Variants in CCDC50 observed in about 807,000 individuals in gnomAD.
CCDC50 encodes coiled-coil domain containing 50, also known as coiled-coil domain-containing protein 50.
A neutral mutation model predicts 70.2 loss-of-function variants in CCDC50; 54 were observed. The ratio of observed to expected loss-of-function variants is 0.77; its 90% CI spans 0.62 to 0.96. The LOEUF is 0.96. Ranked by LOEUF, CCDC50 falls within the 50% of genes least tolerant of loss-of-function variation. CCDC50 has a pLI of 0.00. For synonymous variants in CCDC50, 216 were observed against 198.8 expected (o/e 1.09, Z -0.73); for missense variants, 558 against 578.7 (o/e 0.96, Z 0.37).
intron 4 of CCDC50, among the ~76,000 whole-genome samples, chr3:191,367,291 T>TA (rs1459648123): frequency 8.5e-5 from 13 of 152,094 alleles, no homozygotes; most frequent in African/African-American, 3.1e-4. Context: ...AGTGGCGTAT[T>TA]ACTATGCTTC....
rs1712843430 is a variant in CCDC50 at position 191,370,002 on chromosome 3, T to TGCA, written c.416_417insAGC (p.Ala139dup). On this transcript the variant is annotated inframe_insertion, in exon 5 of 12. Transcript: ENST00000392455. Reference sequence around the variant, plus strand: ...ACTTTCCAGAGTTCCCTGCAACCCGTGCTTATGCAGATAGTTACTATTATG... The same window carrying TGCA: ...ACTTTCCAGAGTTCCCTGCAACCCGTGCAGCTTATGCAGATAGTTACTATTATG... The TGCA allele has an allele frequency of 3.1e-6, 5 of 1,612,708 alleles. No homozygotes were observed. Among genetic ancestry groups the TGCA allele is most frequent in the Non-Finnish European group, 4.2e-6 (5 of 1,178,934 alleles).
At chr3:191,383,277 C>CT (rs1196815079) in intron 10 of CCDC50, among the ~76,000 whole-genome samples, 5 of 152,094 alleles carry the variant, frequency 3.3e-5, no homozygotes, top group Non-Finnish European at 7.4e-5. Flanking sequence ...TGCAGACTGT[C>CT]TAAATCCCAC....
intron 3 of CCDC50, among the ~76,000 whole-genome samples, chr3:191,360,242 A>C (rs1024162383): frequency 6.6e-6 from 1 of 152,236 alleles, no homozygotes; most frequent in African/African-American, 2.4e-5. Context: ...ACTGAACCAG[A>C]GATGGTACTT....
At chr3:191,332,580 A>T (rs144793948) in intron 1 of CCDC50, among the ~76,000 whole-genome samples, 1 of 152,232 alleles carries the variant, frequency 6.6e-6, no homozygotes, top group Non-Finnish European at 1.5e-5. Flanking sequence ...GTAGGTCTAT[A>T]ACTGAAATGC....
Position 191,369,946 on chromosome 3 carries a change from G to T in CCDC50, c.358G>T (p.Glu120Ter). 1.2e-6 allele frequency: 2 copies of T among 1,613,264 alleles called. No individual in the cohort carries two copies. The highest frequency in any genetic ancestry group is 2.2e-5 in the South Asian group (2 of 91,042). The change falls in exon 5 of 12, where the codon GAG becomes TAG. Residue 120 changes from glutamate (E) to a stop codon, truncating the protein, a stop_gained. Coordinates refer to ENST00000392455, the MANE Select transcript of CCDC50 (RefSeq NM_178335.3). LOFTEE classifies it high-confidence loss of function. ...EDIARLLQEK[E>*]LQEEKKRKKH... ...CATAGCTCGCCTTTTGCAAGAAAAG[G>T]AGTTACAGGAAGAGAAAAAGAGAAA... is the stretch of plus-strand genomic sequence containing the variant.
chr3:191,334,415 G>A (rs998194661), intron 1 of CCDC50, among the ~76,000 whole-genome samples: 7 of 152,060 alleles, frequency 4.6e-5, no homozygotes, highest in African/African-American at 1.7e-4. Context: ...GGTACTTAAC[G>A]GACGACTCAC....
At position 191,380,332 on chromosome 3, in the gene CCDC50, C is replaced by T. The variant is rs293814; in HGVS notation, c.1092+58C>T. On this transcript the variant is annotated intron_variant, in intron 7 of 11. Transcript: ENST00000392455. ...ATTGATGGGTATTTTTTTTGTGAAT[C>T]TAGTCCATCTTGAAATTATATTAAT... 0.5 allele frequency: 538,029 copies of T among 1,073,036 alleles called. 139,384 individuals carry two copies. Among genetic ancestry groups the T allele is most frequent in the African/African-American group, 0.81 (51,551 of 63,886 alleles). The allele number at this position is 1,073,036 out of a possible 1,614,324, so 66.5% of individuals were successfully genotyped here.
At chr3:191,345,074 CCTGATTGAG>C (rs1212155845) in intron 1 of CCDC50, among the ~76,000 whole-genome samples, 7 of 152,096 alleles carry the variant, frequency 4.6e-5, no homozygotes, top group Admixed American at 2.0e-4. Flanking sequence ...TAAATGATGT[CCTGATTGAG>C]CTCATTTTGA....
intron 1 of CCDC50, among the ~76,000 whole-genome samples, chr3:191,339,683 TC>T (rs1711656953): frequency 6.6e-6 from 1 of 152,208 alleles, no homozygotes; most frequent in Non-Finnish European, 1.5e-5. Flanking sequence ...TGTACTCTGA[TC>T]ATCTGGCCCC....
rs1238887609 is a variant in CCDC50 at position 191,396,817 on chromosome 3, T to C, written c.*5057T>C. 6.6e-6 allele frequency: 1 copy of C among 152,218 alleles called. No individual in the cohort carries two copies. The highest frequency in any genetic ancestry group is 1.9e-4 in the East Asian group (1 of 5,208). The allele number at this position is 152,218 out of a possible 1,614,324, so 9.4% of individuals were successfully genotyped here. A position where few individuals can be genotyped will look rare whatever the true frequency, so the allele number is the denominator to read the frequency against. On this transcript the variant is annotated 3_prime_UTR_variant, in exon 12 of 12. Coordinates refer to ENST00000392455, the MANE Select transcript of CCDC50 (RefSeq NM_178335.3). ...GGTGATTCTGTTTGATGCCACAGGC[T>C]AACACAATCGTGTAATCATGTTGAG...
At chr3:191,354,418 G>A (rs995224994) in intron 1 of CCDC50, among the ~76,000 whole-genome samples, 4 of 152,098 alleles carry the variant, frequency 2.6e-5, no homozygotes, top group African/African-American at 9.7e-5. Flanking sequence ...ATGTTCTGCT[G>A]ACTGAAGTTA....
chr3:191,370,045 T>A lies in CCDC50; in HGVS notation c.448+9T>A. On this transcript the variant is annotated intron_variant, in intron 5 of 11. Coordinates refer to ENST00000392455, the MANE Select transcript of CCDC50 (RefSeq NM_178335.3). ...CTATTATGAAGATGGAGGTAACAAT[T>A]CCTGCATCATGATCTATTCTATCCT... 1.3e-6 allele frequency: 2 copies of A among 1,507,488 alleles called. No individual in the cohort carries two copies. The highest frequency in any genetic ancestry group is 1.8e-6 in the Non-Finnish European group (2 of 1,083,542). The allele number at this position is 1,507,488 out of a possible 1,614,324, so 93.4% of individuals were successfully genotyped here.
intron 4 of CCDC50, among the ~76,000 whole-genome samples, chr3:191,367,030 A>C (rs574258381): frequency 7.2e-5 from 11 of 152,238 alleles, no homozygotes; most frequent in Admixed American, 2.6e-4. Flanking sequence ...ACTTGTGCTA[A>C]ACCTCAGCTA....
rs116323995 is a variant in CCDC50 at position 191,376,906 on chromosome 3, G to A, written c.976+1317G>A. On this transcript the variant is annotated intron_variant, in intron 6 of 11. Coordinates refer to ENST00000392455, the MANE Select transcript of CCDC50 (RefSeq NM_178335.3). ...AAGAATGATGTACACTGACCTCTAC[G>A]TTTCTGCTTCTGTGAATCTGACTTT... 1.1e-3 allele frequency among the ~76,000 whole-genome samples: 172 copies of A among 152,238 alleles called. 2 individuals carry two copies. Among genetic ancestry groups the A allele is most frequent in the African/African-American group, 4.0e-3 (165 of 41,558 alleles).
intron 5 of CCDC50, among the ~76,000 whole-genome samples, chr3:191,371,190 G>A (rs758471454): frequency 5.3e-5 from 8 of 152,014 alleles, no homozygotes; most frequent in Admixed American, 2.6e-4. Context: ...TTACCATATA[G>A]TATGATTTCT....
At chr3:191,373,218 A>G (rs887686317) in intron 5 of CCDC50, among the ~76,000 whole-genome samples, 1 of 152,100 alleles carries the variant, frequency 6.6e-6, no homozygotes, top group Non-Finnish European at 1.5e-5. Flanking sequence ...CCTCAACTGT[A>G]TGAGGTTTTA....
At position 191,395,402 on chromosome 3, in the gene CCDC50, C is replaced by T. The variant is rs1419551871; in HGVS notation, c.*3642C>T. On this transcript the variant is annotated 3_prime_UTR_variant, in exon 12 of 12. Transcript: ENST00000392455. ...TGGAAATACCCACTATAATATGGTG[C>T]ATTCAGTTTACTCCACAAGTGGTTA... 6.6e-6 allele frequency: 1 copy of T among 152,150 alleles called. No individual in the cohort carries two copies. Among genetic ancestry groups the T allele is most frequent in the Admixed American group, 6.6e-5 (1 of 15,264 alleles). 9.4% of individuals were successfully genotyped at this position (152,150 alleles called of 1,614,324 possible). A position where few individuals can be genotyped will look rare whatever the true frequency, so the allele number is the denominator to read the frequency against.
chr3:191,331,280 A>G (rs964994552), intron 1 of CCDC50, among the ~76,000 whole-genome samples: 5 of 152,290 alleles, frequency 3.3e-5, no homozygotes, highest in South Asian at 2.1e-4. Flanking sequence ...ATTTTATCCA[A>G]TCCCCTATTC....
chr3:191,378,925 A>T (rs1258470646), intron 6 of CCDC50, among the ~76,000 whole-genome samples: 1 of 152,056 alleles, frequency 6.6e-6, no homozygotes, highest in Non-Finnish European at 1.5e-5. Context: ...GATGTGTATG[A>T]GTCTGTGGCT....
Sources: allele counts gnomAD v4.1 joint callset (sites outside exome capture counted in the v4.1 genomes callset), GRCh38; gene constraint gnomAD v4.1.1; transcripts MANE v1.5; gene names NCBI Gene and HGNC (gene_info 2026-07-23, HGNC 2026-07-21).